KCNH7: variants seen among roughly 807,000 people sequenced by gnomAD.
KCNH7 encodes potassium voltage-gated channel subfamily H member 7, also known as voltage-gated inwardly rectifying potassium channel KCNH7.
A neutral mutation model predicts 120.8 loss-of-function variants in KCNH7; 49 were observed. The observed-to-expected ratio is 0.41, with a 90% CI of 0.32 to 0.51. The LOEUF is 0.51. Ranked by LOEUF, KCNH7 falls within the 20% of genes least tolerant of loss-of-function variation. KCNH7 has a pLI of 0.38. For missense variants in KCNH7, 1,097 were observed against 1,446.6 expected, an observed-to-expected ratio of 0.76 and a Z score of 3.92; for synonymous variants, 547 against 516.1, an observed-to-expected ratio of 1.06 and a Z score of -0.81.
chr2:162,563,574 T>C (rs1422928556), intron 2 of KCNH7, among the ~76,000 whole-genome samples: 2 of 152,188 alleles, frequency 1.3e-5, no homozygotes, highest in East Asian at 3.9e-4. Context: ...TTCAATTTCT[T>C]GTGTTGTGAC....
intron 2 of KCNH7, among the ~76,000 whole-genome samples, chr2:162,741,631 A>C (rs1488261448): frequency 2.6e-5 from 4 of 152,138 alleles, no homozygotes; most frequent in Non-Finnish European, 4.4e-5. Context: ...AAGTATGAAC[A>C]TGTCAGCTTT....
At chr2:162,732,644 C>A (rs981679934) in intron 2 of KCNH7, among the ~76,000 whole-genome samples, 3 of 152,116 alleles carry the variant, frequency 2.0e-5, no homozygotes, top group African/African-American at 7.2e-5. Context: ...CTTCTTTGAA[C>A]CTCAATATCC....
At chr2:162,825,522 G>A (rs1462915518) in intron 2 of KCNH7, among the ~76,000 whole-genome samples, 1 of 151,870 alleles carries the variant, frequency 6.6e-6, no homozygotes, top group Non-Finnish European at 1.5e-5. Context: ...TTTGACAAGA[G>A]ATTTCAAAAG....
intron 2 of KCNH7, among the ~76,000 whole-genome samples, chr2:162,582,890 G>T (rs1234707851): frequency 6.6e-6 from 1 of 152,084 alleles, no homozygotes; most frequent in Non-Finnish European, 1.5e-5. Flanking sequence ...GAGGACACCT[G>T]TATCTAGAAA....
chr2:162,402,377 G>A (rs1207731035), intron 9 of KCNH7, among the ~76,000 whole-genome samples: 3 of 147,146 alleles, frequency 2.0e-5, no homozygotes, highest in Non-Finnish European at 4.5e-5. Flanking sequence ...ATTCTAAAAT[G>A]CTGGCCACTT....
At chr2:162,377,423 C>T (rs1200948931) in intron 14 of KCNH7, among the ~76,000 whole-genome samples, 1 of 152,022 alleles carries the variant, frequency 6.6e-6, no homozygotes, top group African/African-American at 2.4e-5. Context: ...ATATTCATGC[C>T]ATAGTAAAGT....
chr2:162,550,499 C>A, intron 2 of KCNH7, among the ~76,000 whole-genome samples: 1 of 152,144 alleles, frequency 6.6e-6, no homozygotes, highest in Middle Eastern at 3.2e-3. Flanking sequence ...TCATCTTTCA[C>A]TGAGGTTTGT....
rs1047102685 is a variant in KCNH7, at chr2:162,591,087, T to G, written c.308-54007A>C. Among the ~76,000 whole-genome samples the G allele has an allele frequency of 7.9e-5, 12 of 152,188 alleles. No individual in the cohort carries two copies. In the East Asian group the frequency reaches 2.3e-3, roughly 30 times the overall value. On this transcript the variant is annotated intron_variant, in intron 2 of 15. Transcript: ENST00000332142. The stretch of plus-strand genomic sequence containing the variant: ...TGACTGCATTTCCCGAGCTCTTCGT[T>G]GGCTGTCTCCCTCTCCACCTGTAAG...
intron 2 of KCNH7, among the ~76,000 whole-genome samples, chr2:162,611,686 G>A (rs1412473434): frequency 6.6e-6 from 1 of 151,986 alleles, no homozygotes; most frequent in African/African-American, 2.4e-5. Context: ...TTTTGTTTTT[G>A]CATATTTGAG....
intron 6 of KCNH7, among the ~76,000 whole-genome samples, chr2:162,497,752 G>A (rs990107340): frequency 2.6e-5 from 4 of 151,946 alleles, no homozygotes; most frequent in Non-Finnish European, 5.9e-5. Flanking sequence ...GGATAATAAC[G>A]GCACAATCTC....
chr2:162,575,769 A>C (rs1345059685), intron 2 of KCNH7, among the ~76,000 whole-genome samples: 1 of 152,066 alleles, frequency 6.6e-6, no homozygotes, highest in African/African-American at 2.4e-5. Flanking sequence ...TTAACCAGAA[A>C]AACTATAATT....
At chr2:162,747,147 G>C (rs1256730944) in intron 2 of KCNH7, among the ~76,000 whole-genome samples, 1 of 152,098 alleles carries the variant, frequency 6.6e-6, no homozygotes. Context: ...GTATTCCATT[G>C]AATGGAGAAG....
chr2:162,748,103 A>G lies in KCNH7; in HGVS notation c.307+88434T>C, dbSNP rs536119317. Reference sequence around the variant, plus strand: ...GAAAAGTCTTTAAAAAGCACTAAACACTAAACACGGTTTATGTAGACTTAC... The same window carrying G: ...GAAAAGTCTTTAAAAAGCACTAAACGCTAAACACGGTTTATGTAGACTTAC... On this transcript the variant is annotated intron_variant, in intron 2 of 15. Transcript: ENST00000332142. 5.3e-5 allele frequency among the ~76,000 whole-genome samples: 8 copies of G among 152,280 alleles called. No homozygotes were observed. The East Asian group carries it at 1.5e-3, about 29-fold the overall frequency.
chr2:162,590,923 C>T (rs1427909715), intron 2 of KCNH7, among the ~76,000 whole-genome samples: 1 of 152,118 alleles, frequency 6.6e-6, no homozygotes, highest in Non-Finnish European at 1.5e-5. Flanking sequence ...AACTCTTGTC[C>T]ATATAAGCAC....
chr2:162,805,598 G>C (rs934355526), intron 2 of KCNH7, among the ~76,000 whole-genome samples: 1 of 152,076 alleles, frequency 6.6e-6, no homozygotes, highest in Non-Finnish European at 1.5e-5. Flanking sequence ...TGTTGGTGTA[G>C]ATATGGTAAA....
rs560326326 is a variant in KCNH7, at chr2:162,765,514, G to A, written c.307+71023C>T. Among the ~76,000 whole-genome samples, 8 of 152,206 alleles carry A rather than the reference G, an allele frequency of 5.3e-5. No individual in the cohort carries two copies. In the East Asian group the frequency reaches 1.5e-3, roughly 29 times the overall value. On this transcript the variant is annotated intron_variant, in intron 2 of 15. Coordinates refer to ENST00000332142, the MANE Select transcript of KCNH7 (RefSeq NM_033272.4). Reference sequence around the variant, plus strand: ...TGTGCTGGAAGGTTTTCTTCATAGGGACTAGAGGTGCATATGTCTTACTTT... The same window carrying A: ...TGTGCTGGAAGGTTTTCTTCATAGGAACTAGAGGTGCATATGTCTTACTTT...
At chr2:162,407,378 A>G (rs1035800182) in intron 9 of KCNH7, among the ~76,000 whole-genome samples, 2 of 152,026 alleles carry the variant, frequency 1.3e-5, no homozygotes, top group Non-Finnish European at 2.9e-5. Context: ...TCCAGTTAAC[A>G]GCATAACTAT....
At chr2:162,523,186 A>C (rs1419052943) in intron 3 of KCNH7, among the ~76,000 whole-genome samples, 2 of 151,862 alleles carry the variant, frequency 1.3e-5, no homozygotes, top group Non-Finnish European at 2.9e-5. Flanking sequence ...AAATATCTAC[A>C]TGAGAATCTA....
intron 2 of KCNH7, among the ~76,000 whole-genome samples, chr2:162,596,249 C>T (rs1005326590): frequency 3.9e-5 from 6 of 151,976 alleles, no homozygotes; most frequent in Non-Finnish European, 7.4e-5. Context: ...ATAGCCACAG[C>T]AAATCTAGAG....
Sources: allele counts gnomAD v4.1 joint callset (sites outside exome capture counted in the v4.1 genomes callset), GRCh38; gene constraint gnomAD v4.1.1; transcripts MANE v1.5; gene names NCBI Gene and HGNC (gene_info 2026-07-23, HGNC 2026-07-21).